Variants in BTG3 observed in about 807,000 individuals in gnomAD.
BTG3 encodes the protein protein BTG3.
A neutral mutation model predicts 25.8 loss-of-function variants in BTG3; 4 were observed. That is an observed-to-expected ratio of 0.16 (90% CI 0.08 to 0.36). BTG3 has a LOEUF of 0.36. BTG3 is among the 10% of genes least tolerant of loss of function. The pLI is 1.00. For missense variants in BTG3, 201 were observed against 304.9 expected, an observed-to-expected ratio of 0.66 and a Z score of 2.54; for synonymous variants, 107 against 99.9, an observed-to-expected ratio of 1.07 and a Z score of -0.42.
In BTG3 at chr21:17,601,911, A is replaced by C. The variant is rs757335471; in HGVS notation, c.311+2949T>G. ...TCTTTGACACCTAGTTTGGTTCTGC[A>C]TTTTTCCCTTTGTACTATTTTGGTA... On this transcript the variant is annotated intron_variant, in intron 3 of 4. Coordinates refer to ENST00000348354, the MANE Select transcript of BTG3 (RefSeq NM_006806.5). Among the ~76,000 whole-genome samples the C allele has an allele frequency of 5.3e-5, 8 of 152,260 alleles. No individual in the cohort carries two copies. In the South Asian group the frequency reaches 1.2e-3, roughly 24 times the overall value.
At chr21:17,598,863 C>T (rs1363265812) in intron 3 of BTG3, 39 bp from the exon 4 acceptor site, 2 of 1,546,334 alleles carry the variant, frequency 1.3e-6, no homozygotes, top group Non-Finnish European at 1.8e-6. Context: ...CTTGAAGTCA[C>T]ATCAGCAAAG....
chr21:17,605,273 A>C, intron 2 of BTG3: 1 of 254,776 alleles, frequency 3.9e-6, no homozygotes. Context: ...ATGTACATTA[A>C]ATGAGCACGG....
At position 17,601,554 on chromosome 21, in the gene BTG3, T is replaced by G. The variant is rs1319576469; in HGVS notation, c.312-2730A>C. Among the ~76,000 whole-genome samples the G allele has an allele frequency of 3.9e-5, 6 of 152,246 alleles. 1 individual carries two copies. In the South Asian group the frequency reaches 1.2e-3, roughly 32 times the overall value. The stretch of plus-strand genomic sequence containing the variant: ...CAAAACAAAACAAACAAAAAATAAA[T>G]TCCTAAACAATTGAGTTCCTCACAA... On this transcript the variant is annotated intron_variant, in intron 3 of 4. Coordinates refer to ENST00000348354, the MANE Select transcript of BTG3 (RefSeq NM_006806.5).
Position 17,612,787 on chromosome 21 carries a change from C to A in BTG3, c.-97G>T, listed in dbSNP as rs1175322793. The A allele has an allele frequency of 6.6e-6, 1 of 152,204 alleles. No homozygotes were observed. Among genetic ancestry groups the A allele is most frequent in the African/African-American group, 2.4e-5 (1 of 41,442 alleles). The allele number at this position is 152,204 out of a possible 1,614,324, so 9.4% of individuals were successfully genotyped here. ...ACTGAGGGCTCCGCCTCAACGGGCCCGCGCTGGGCAACAGGGAGCGCAGCG... is the reference window on the plus strand; with the variant it reads ...ACTGAGGGCTCCGCCTCAACGGGCCAGCGCTGGGCAACAGGGAGCGCAGCG... On this transcript the variant is annotated 5_prime_UTR_variant, in exon 1 of 5. Coordinates refer to ENST00000348354, the MANE Select transcript of BTG3 (RefSeq NM_006806.5).
At chr21:17,604,176 G>C (rs1296506406) in intron 3 of BTG3, 1 of 1,264,372 alleles carries the variant, frequency 7.9e-7, no homozygotes, top group Non-Finnish European at 1.0e-6. Context: ...GGGCGCAGTG[G>C]CTCACGCCTG....
Position 17,612,684 on chromosome 21 carries a change from GC to G in BTG3, c.-9+14del, listed in dbSNP as rs1555879920. 1 of 152,800 alleles carries G rather than the reference GC, an allele frequency of 6.5e-6. No individual in the cohort carries two copies. The highest frequency in any genetic ancestry group is 1.5e-5 in the Non-Finnish European group (1 of 68,602). 9.5% of individuals were successfully genotyped at this position (152,800 alleles called of 1,614,324 possible). ...GCCCCGCCATGTCTGCCTTTCCCCG[GC>G]CCGGTCTCCTCACCGCCGCTGCCGC... On this transcript the variant is annotated intron_variant, in intron 1 of 4. Coordinates refer to ENST00000348354, the MANE Select transcript of BTG3 (RefSeq NM_006806.5).
intron 2 of BTG3, among the ~76,000 whole-genome samples, chr21:17,607,080 T>C (rs2123471897): frequency 6.6e-6 from 1 of 152,358 alleles, no homozygotes; most frequent in Middle Eastern, 3.4e-3. Context: ...TATTCATTTT[T>C]ATAATAGTAA....
At chr21:17,601,968 G>T (rs1459789306) in intron 3 of BTG3, among the ~76,000 whole-genome samples, 2 of 152,166 alleles carry the variant, frequency 1.3e-5, no homozygotes, top group Non-Finnish European at 2.9e-5. Context: ...AAGAGAAGCT[G>T]CTGACTATAC....
At position 17,593,798 on chromosome 21, in the gene BTG3, A is replaced by G. The variant is rs1270728950; in HGVS notation, c.*295T>C. 2 of 276,768 alleles carry G rather than the reference A, an allele frequency of 7.2e-6. No individual in the cohort carries two copies. The highest frequency in any genetic ancestry group is 1.3e-5 in the Non-Finnish European group (2 of 150,144). 17.1% of individuals were successfully genotyped at this position (276,768 alleles called of 1,614,324 possible). A position where few individuals can be genotyped will look rare whatever the true frequency, so the allele number is the denominator to read the frequency against. On this transcript the variant is annotated 3_prime_UTR_variant, in exon 5 of 5. Coordinates refer to ENST00000348354, the MANE Select transcript of BTG3 (RefSeq NM_006806.5). ...TCAAAGGTGCTAGAACAAATCGTCC[A>G]CTTCTACAGTGTTCTCGTATCCAAC...
Position 17,594,262 on chromosome 21 carries a change from C to G in BTG3, c.590G>C (p.Arg197Pro). 1 of 1,613,164 alleles carries G rather than the reference C, an allele frequency of 6.2e-7. No homozygotes were observed. The highest frequency in any genetic ancestry group is 8.5e-7 in the Non-Finnish European group (1 of 1,179,368). The change falls in exon 5 of 5, where the codon CGA becomes CCA. Residue 197 changes from arginine (R) to proline (P), a missense_variant. Arg to Pro is a moderately radical substitution (Grantham distance 103). This residue lies in a region of BTG3 where 131 missense variants were observed against 129.3 expected (regional missense o/e 1.01). Coordinates refer to ENST00000348354, the MANE Select transcript of BTG3 (RefSeq NM_006806.5). ...PLPRKKPGMY[R>P]GNGHQNHYPP... ...ATAGTGATTCTGATGGCCATTCCCTCGATACATTCCTGGCTTTTTTCTGGG... is the reference window on the plus strand; with the variant it reads ...ATAGTGATTCTGATGGCCATTCCCTGGATACATTCCTGGCTTTTTTCTGGG...
intron 3 of BTG3, among the ~76,000 whole-genome samples, chr21:17,599,874 TA>T (rs1165074809): frequency 1.3e-5 from 2 of 152,082 alleles, no homozygotes; most frequent in Non-Finnish European, 2.9e-5. Flanking sequence ...CCCAATTAAA[TA>T]AAAAAGGGGG....
At chr21:17,610,315 T>G (rs182822764) in intron 1 of BTG3, among the ~76,000 whole-genome samples, 1 of 152,200 alleles carries the variant, frequency 6.6e-6, no homozygotes, top group Non-Finnish European at 1.5e-5. Flanking sequence ...AATGGGTGAA[T>G]TGCATGGTAT....
chr21:17,610,979 G>T (rs2061713289), intron 1 of BTG3, among the ~76,000 whole-genome samples: 1 of 152,106 alleles, frequency 6.6e-6, no homozygotes, highest in Non-Finnish European at 1.5e-5. Context: ...TGATGGAGGG[G>T]AAGGCACACA....
Position 17,607,650 on chromosome 21 carries a change from A to C in BTG3, c.173+1322T>G, listed in dbSNP as rs2824395. Among the ~76,000 whole-genome samples the C allele has an allele frequency of 6.3e-3, 964 of 152,362 alleles. 58 individuals carry two copies. The East Asian group carries it at 0.13, about 21-fold the overall frequency. On this transcript the variant is annotated intron_variant, in intron 2 of 4. Coordinates refer to ENST00000348354, the MANE Select transcript of BTG3 (RefSeq NM_006806.5). ...AATAGTGCTGTACTTGCAAGAGCCC[A>C]GTGGCAGAAAGGAAGTCCTTCTGAC...
chr21:17,598,295 A>G (rs1309718701), intron 4 of BTG3, among the ~76,000 whole-genome samples: 5 of 152,246 alleles, frequency 3.3e-5, no homozygotes, highest in Admixed American at 3.3e-4. Flanking sequence ...AAAGTGTTAC[A>G]TACTACAAAA....
At chr21:17,603,121 TA>T (rs1418618980) in intron 3 of BTG3, among the ~76,000 whole-genome samples, 1 of 152,224 alleles carries the variant, frequency 6.6e-6, no homozygotes, top group Non-Finnish European at 1.5e-5. Context: ...GTGTGTTAAA[TA>T]GGAGCCAACT....
chr21:17,603,362 G>T (rs924471258), intron 3 of BTG3, among the ~76,000 whole-genome samples: 1 of 152,094 alleles, frequency 6.6e-6, no homozygotes, highest in Non-Finnish European at 1.5e-5. Context: ...AAGAAGTATT[G>T]GAGAATGTTT....
In BTG3 at chr21:17,593,866, A is replaced by T; in HGVS notation, c.*227T>A. 1 of 536,506 alleles carries T rather than the reference A, an allele frequency of 1.9e-6. No homozygotes were observed. The highest frequency in any genetic ancestry group is 3.4e-5 in the East Asian group (1 of 29,698). 33.2% of individuals were successfully genotyped at this position (536,506 alleles called of 1,614,324 possible). A position where few individuals can be genotyped will look rare whatever the true frequency, so the allele number is the denominator to read the frequency against. On this transcript the variant is annotated 3_prime_UTR_variant, in exon 5 of 5. Transcript: ENST00000348354. ...TATAAATACTCAAGTCCAATATTAAAAACTTAGGCACTTGACTAACTTTAA... is the reference window on the plus strand; with the variant it reads ...TATAAATACTCAAGTCCAATATTAATAACTTAGGCACTTGACTAACTTTAA...
chr21:17,593,953 C>T lies in BTG3; in HGVS notation c.*140G>A. 1 of 1,031,850 alleles carries T rather than the reference C, an allele frequency of 9.7e-7. No individual in the cohort carries two copies. The highest frequency in any genetic ancestry group is 1.4e-6 in the Non-Finnish European group (1 of 739,836). 63.9% of individuals were successfully genotyped at this position (1,031,850 alleles called of 1,614,324 possible). On this transcript the variant is annotated 3_prime_UTR_variant, in exon 5 of 5. Coordinates refer to ENST00000348354, the MANE Select transcript of BTG3 (RefSeq NM_006806.5). ...TATATTTTTTAAGAAAGATTATTCT[C>T]AATAACTTCTATAAAAATAAGTTTG... is the stretch of plus-strand genomic sequence containing the variant.
Sources: gnomAD v4.1 joint callset for allele counts (sites outside exome capture counted in the v4.1 genomes callset) on GRCh38, gnomAD v4.1.1 for gene constraint, gnomAD v4.1.1 regional missense constraint, MANE v1.5 for transcripts, NCBI Gene and HGNC (gene_info 2026-07-23, HGNC 2026-07-21) for gene names.